The following VPS13B variants were observed in gnomAD, a reference collection of about 807,000 sequenced individuals.
VPS13B encodes the protein vacuolar protein sorting 13 homolog B.
In VPS13B, 285 loss-of-function variants were observed where a neutral mutation model predicts 426.4. The observed-to-expected ratio is 0.67, with a 90% CI of 0.61 to 0.74. The LOEUF (loss-of-function observed/expected upper bound fraction) is 0.74. Ranked by LOEUF, VPS13B falls within the 30% of genes least tolerant of loss-of-function variation. The probability of loss-of-function intolerance (pLI) is 0.00; values close to 1 mark genes in which losing one functional copy is unlikely to be tolerated. For synonymous variants in VPS13B, 1,676 were observed against 1,676.4 expected (o/e 1.00, Z 0.01); for missense variants, 4,537 against 4,782.6 (o/e 0.95, Z 1.51).
At chr8:99,875,332 C>CA (rs1563522596) in intron 61 of VPS13B, 86 bp from the exon 62 acceptor site, 20 of 1,581,596 alleles carry the variant, frequency 1.3e-5, no homozygotes, top group Non-Finnish European at 1.7e-5. Flanking sequence ...GCATAATGTA[C>CA]AAATATATCG....
At chr8:99,434,628 A>G (rs1817279936) in intron 22 of VPS13B, among the ~76,000 whole-genome samples, 1 of 152,238 alleles carries the variant, frequency 6.6e-6, no homozygotes, top group Non-Finnish European at 1.5e-5. Flanking sequence ...CCAGTGCATA[A>G]AAATACTAGT....
At chr8:99,190,272 C>T (rs927976825) in intron 16 of VPS13B, among the ~76,000 whole-genome samples, 1 of 150,720 alleles carries the variant, frequency 6.6e-6, no homozygotes, top group Admixed American at 6.6e-5. Context: ...CGTTCGTTTA[C>T]TCCTTCATGC....
chr8:99,633,833 G>GTGTGTT (rs1254625599), intron 33 of VPS13B, among the ~76,000 whole-genome samples: 6 of 151,594 alleles, frequency 4.0e-5, no homozygotes, highest in Non-Finnish European at 8.9e-5. Flanking sequence ...GTGTGTGTGT[G>GTGTGTT]TGTGTGCGTG....
rs538541900 is a variant in VPS13B at position 99,481,930 on chromosome 8, G to C, written c.3870+128G>C. 8.5e-5 allele frequency: 98 copies of C among 1,146,766 alleles called. 3 individuals carry two copies. In the Middle Eastern group the frequency reaches 1.1e-3, roughly 13 times the overall value. The allele number at this position is 1,146,766 out of a possible 1,614,324, so 71.0% of individuals were successfully genotyped here. ...GATAGATTCTGAAGGTTCAAGAGGAGCTGTGGCAGCAGTGACTGTCTATTC... is the reference window on the plus strand; with the variant it reads ...GATAGATTCTGAAGGTTCAAGAGGACCTGTGGCAGCAGTGACTGTCTATTC... On this transcript the variant is annotated intron_variant, in intron 25 of 61. Transcript: ENST00000357162.
chr8:99,364,847 GA>G (rs1434247701), intron 19 of VPS13B, among the ~76,000 whole-genome samples: 1 of 152,154 alleles, frequency 6.6e-6, no homozygotes, highest in Non-Finnish European at 1.5e-5. Context: ...GTTTGAGTAG[GA>G]TTGGTATTAG....
At chr8:99,233,683 C>T (rs922893104) in intron 17 of VPS13B, 16 of 810,888 alleles carry the variant, frequency 2.0e-5, no homozygotes, top group African/African-American at 3.4e-5. Context: ...TGGTTCTTTC[C>T]GGGTTGCATA....
intron 19 of VPS13B, among the ~76,000 whole-genome samples, chr8:99,336,041 G>T (rs1439931528): frequency 6.6e-6 from 1 of 152,116 alleles, no homozygotes; most frequent in Non-Finnish European, 1.5e-5. Flanking sequence ...CACCAAAAAA[G>T]AGCCCGCATC....
chr8:99,619,117 C>T (rs940019013), intron 33 of VPS13B, among the ~76,000 whole-genome samples: 2 of 152,186 alleles, frequency 1.3e-5, no homozygotes, highest in East Asian at 1.9e-4. Flanking sequence ...TTCCCAGAAG[C>T]CTTGAGAAAA....
At chr8:99,143,402 G>T (rs1462029212) in intron 13 of VPS13B, among the ~76,000 whole-genome samples, 1 of 151,812 alleles carries the variant, frequency 6.6e-6, no homozygotes. Context: ...GTATTTTATT[G>T]TTATACCTTT....
At chr8:99,740,523 A>G (rs1404899748) in intron 39 of VPS13B, among the ~76,000 whole-genome samples, 1 of 152,228 alleles carries the variant, frequency 6.6e-6, no homozygotes, top group African/African-American at 2.4e-5. Context: ...CATAATTGTC[A>G]GATTCACCAA....
In VPS13B at chr8:99,478,461, T is replaced by TG. The variant is rs1563752174; in HGVS notation, c.3667-3138_3667-3137insG. On this transcript the variant is annotated intron_variant, in intron 24 of 61. Coordinates refer to ENST00000357162, the MANE Select transcript of VPS13B (RefSeq NM_152564.5). ...TTTTTTGTTTTGTTTTTTTTTTTTT[T>TG]TTTTGTTTTTTGTTTTTTTTTTTTT... is the stretch of plus-strand genomic sequence containing the variant. Among the ~76,000 whole-genome samples, 21 of 122,904 alleles carry TG rather than the reference T, an allele frequency of 1.7e-4. 1 individual carries two copies. The highest frequency in any genetic ancestry group is 3.5e-4 in the Admixed American group (4 of 11,470). The allele number at this position is 122,904 out of a possible 152,430, so 80.6% of individuals were successfully genotyped here.
chr8:99,351,869 A>G (rs1224226168), intron 19 of VPS13B, among the ~76,000 whole-genome samples: 1 of 152,134 alleles, frequency 6.6e-6, no homozygotes, highest in Non-Finnish European at 1.5e-5. Context: ...TGTGGATGGT[A>G]GATAAATGGA....
chr8:99,361,488 T>C (rs1327389005), intron 19 of VPS13B, among the ~76,000 whole-genome samples: 1 of 152,216 alleles, frequency 6.6e-6, no homozygotes, highest in Non-Finnish European at 1.5e-5. Flanking sequence ...TGGCTTCCTT[T>C]AGGCATATAT....
intron 35 of VPS13B, among the ~76,000 whole-genome samples, chr8:99,683,401 T>TTA (rs1831237292): frequency 6.6e-6 from 1 of 152,142 alleles, no homozygotes; most frequent in African/African-American, 2.4e-5. Flanking sequence ...TCTGGGATTA[T>TTA]TGGAATTCTG....
intron 35 of VPS13B, among the ~76,000 whole-genome samples, chr8:99,663,768 G>C (rs1830336611): frequency 1.3e-5 from 2 of 152,090 alleles, no homozygotes; most frequent in Admixed American, 6.6e-5. Flanking sequence ...CTCAGTTTTA[G>C]TTTCACATTC....
intron 39 of VPS13B, among the ~76,000 whole-genome samples, chr8:99,722,143 T>G (rs964392216): frequency 6.6e-6 from 1 of 152,182 alleles, no homozygotes; most frequent in African/African-American, 2.4e-5. Flanking sequence ...CACTCTGGCC[T>G]CCTTTTTCTC....
In VPS13B at chr8:99,740,253, T is replaced by C. The variant is rs545962466; in HGVS notation, c.7050+19206T>C. Among the ~76,000 whole-genome samples, 17 of 151,942 alleles carry C rather than the reference T, an allele frequency of 1.1e-4. No homozygotes were observed. In the South Asian group the frequency reaches 3.5e-3, roughly 32 times the overall value. ...GGAAGATCAAATGAATGAAATGAAG[T>C]GAGAAGAGAAGTTTAGAGAAAAAAG... On this transcript the variant is annotated intron_variant, in intron 39 of 61. Transcript: ENST00000357162.
chr8:99,182,304 A>T (rs1408265349), intron 16 of VPS13B, among the ~76,000 whole-genome samples: 1 of 152,154 alleles, frequency 6.6e-6, no homozygotes, highest in African/African-American at 2.4e-5. Context: ...AGTGGAAAAA[A>T]GTCTAAATTG....
chr8:99,488,881 A>G (rs1460376068), intron 25 of VPS13B, among the ~76,000 whole-genome samples: 5 of 152,310 alleles, frequency 3.3e-5, no homozygotes, highest in Non-Finnish European at 5.9e-5. Context: ...GAAGATCTTT[A>G]GTTTAATTAG....
Sources: allele counts gnomAD v4.1 joint callset (sites outside exome capture counted in the v4.1 genomes callset), GRCh38; gene constraint gnomAD v4.1.1; transcripts MANE v1.5; gene names NCBI Gene and HGNC (gene_info 2026-07-23, HGNC 2026-07-21).